Variants in SBF2 observed in about 807,000 individuals in gnomAD.
SBF2 encodes SET binding factor 2, also known as myotubularin-related protein 13.
A neutral mutation model predicts 225.2 loss-of-function variants in SBF2; 112 were observed. The observed-to-expected ratio is 0.50, with a 90% CI of 0.43 to 0.58. The LOEUF is 0.58. Ranked by LOEUF, SBF2 falls within the 20% of genes least tolerant of loss-of-function variation. SBF2 has a pLI of 0.00. For synonymous variants in SBF2, 763 were observed against 773.3 expected (o/e 0.99, Z 0.22); for missense variants, 1,996 against 2,206.2 (o/e 0.90, Z 1.91).
chr11:10,124,788 A>G (rs1953662552), intron 2 of SBF2, among the ~76,000 whole-genome samples: 1 of 151,974 alleles, frequency 6.6e-6, no homozygotes, highest in Admixed American at 6.6e-5. Context: ...AAATATATAT[A>G]CTCATCTATT....
chr11:10,151,712 G>A (rs1214547969), intron 2 of SBF2, among the ~76,000 whole-genome samples: 1 of 152,122 alleles, frequency 6.6e-6, no homozygotes, highest in East Asian at 1.9e-4. Context: ...AAATTATTGA[G>A]TATAACATAA....
intron 2 of SBF2, among the ~76,000 whole-genome samples, chr11:10,087,813 A>C (rs1951631989): frequency 6.6e-6 from 1 of 152,158 alleles, no homozygotes; most frequent in Admixed American, 6.5e-5. Flanking sequence ...ATTAGTCAGC[A>C]TTTTCAGTAA....
At chr11:10,043,927 A>T (rs1197253837) in intron 2 of SBF2, among the ~76,000 whole-genome samples, 2 of 152,342 alleles carry the variant, frequency 1.3e-5, no homozygotes, top group South Asian at 4.1e-4. Context: ...AGAGAAATTT[A>T]AAAAATATTT....
intron 1 of SBF2, among the ~76,000 whole-genome samples, chr11:10,204,294 C>CA (rs898877243): frequency 1.2e-4 from 18 of 146,042 alleles, no homozygotes; most frequent in Admixed American, 2.7e-4. Flanking sequence ...AAATATCCTT[C>CA]AAAAAAAAAG....
chr11:10,285,850 A>T (rs1963726530), intron 1 of SBF2, among the ~76,000 whole-genome samples: 1 of 152,226 alleles, frequency 6.6e-6, no homozygotes, highest in African/African-American at 2.4e-5. Context: ...TAACAGTAAG[A>T]AGTCAAACAA....
chr11:9,792,100 G>T (rs919740473), intron 33 of SBF2, among the ~76,000 whole-genome samples: 4 of 152,096 alleles, frequency 2.6e-5, no homozygotes, highest in Non-Finnish European at 5.9e-5. Flanking sequence ...GGACACAGGA[G>T]AATTCATTGT....
chr11:10,104,860 G>A (rs1483760145), intron 2 of SBF2, among the ~76,000 whole-genome samples: 4 of 152,076 alleles, frequency 2.6e-5, no homozygotes, highest in Non-Finnish European at 4.4e-5. Flanking sequence ...TCATGCTATC[G>A]TTTCAGAAGT....
At chr11:9,962,156 A>C (rs765827987) in intron 15 of SBF2, 50 bp from the exon 16 acceptor site, 1 of 1,538,396 alleles carries the variant, frequency 6.5e-7, no homozygotes, top group Non-Finnish European at 9.0e-7. Context: ...TGGGGGAAAC[A>C]ACAACTTTCA....
At chr11:9,885,251 CAAAAAAAAAAAAAA>C (rs71453937) in intron 17 of SBF2, among the ~76,000 whole-genome samples, 2 of 38,280 alleles carry the variant, frequency 5.2e-5, no homozygotes, top group Non-Finnish European at 8.4e-5. Context: ...ACTTTTCCTC[CAAAAAAAAAAAAAA>C]AAAAAAAAAA....
At chr11:9,938,399 C>A (rs1265245508) in intron 16 of SBF2, among the ~76,000 whole-genome samples, 1 of 146,376 alleles carries the variant, frequency 6.8e-6, no homozygotes. Context: ...ATTTTTTTTT[C>A]GGGGAACTGA....
intron 28 of SBF2, chr11:9,828,553 C>T: frequency 1.0e-6 from 1 of 985,450 alleles, no homozygotes; most frequent in Non-Finnish European, 1.2e-6. Flanking sequence ...AAGAGACCAA[C>T]TTCTCAAGTC....
Position 9,913,207 on chromosome 11 carries a change from G to A in SBF2, c.1861-17196C>T, listed in dbSNP as rs138286242. ...GTTGAGGTGGGAGGACCATTTGAGT[G>A]GAGATTGCAGTGGGCTGAGATCGCG... On this transcript the variant is annotated intron_variant, in intron 16 of 39. Transcript: ENST00000256190. Among the ~76,000 whole-genome samples, 235 of 152,262 alleles carry A rather than the reference G, an allele frequency of 1.5e-3. 1 individual carries two copies. Among genetic ancestry groups the A allele is most frequent in the Middle Eastern group, 0.01 (3 of 294 alleles).
intron 17 of SBF2, among the ~76,000 whole-genome samples, chr11:9,871,868 G>A (rs1370205862): frequency 6.6e-6 from 1 of 152,156 alleles, no homozygotes; most frequent in Non-Finnish European, 1.5e-5. Context: ...TACACTGTTG[G>A]TGGGAGTGTA....
chr11:10,211,298 T>C (rs917410894), intron 1 of SBF2, among the ~76,000 whole-genome samples: 2 of 152,132 alleles, frequency 1.3e-5, no homozygotes, highest in African/African-American at 4.8e-5. Flanking sequence ...AGCAACCAAA[T>C]GGCAGTTTTT....
chr11:10,060,625 A>G (rs991814617), intron 2 of SBF2, among the ~76,000 whole-genome samples: 3 of 152,136 alleles, frequency 2.0e-5, no homozygotes, highest in African/African-American at 7.2e-5. Flanking sequence ...CAATGCAAAA[A>G]TCCTCAACAA....
intron 1 of SBF2, among the ~76,000 whole-genome samples, chr11:10,245,367 T>G (rs1389397439): frequency 1.3e-5 from 2 of 151,224 alleles, no homozygotes; most frequent in African/African-American, 4.9e-5. Context: ...ACAATGACCT[T>G]GCCATTGAAT....
intron 26 of SBF2, among the ~76,000 whole-genome samples, chr11:9,837,371 A>G (rs952349955): frequency 6.6e-6 from 1 of 152,244 alleles, no homozygotes; most frequent in Non-Finnish European, 1.5e-5. Flanking sequence ...AAAATACAGA[A>G]TTTACATAAA....
chr11:10,057,512 C>T (rs1370014160), intron 2 of SBF2, among the ~76,000 whole-genome samples: 1 of 152,204 alleles, frequency 6.6e-6, no homozygotes, highest in African/African-American at 2.4e-5. Flanking sequence ...CTTGGGCCCA[C>T]AGCGCAAACT....
chr11:10,228,327 T>G (rs971777303), intron 1 of SBF2, among the ~76,000 whole-genome samples: 12 of 152,204 alleles, frequency 7.9e-5, no homozygotes, highest in Non-Finnish European at 1.6e-4. Flanking sequence ...TTCTCCTGCC[T>G]GATTGCCCTG....
Sources: gnomAD v4.1 joint callset for allele counts (sites outside exome capture counted in the v4.1 genomes callset) on GRCh38, gnomAD v4.1.1 for gene constraint, MANE v1.5 for transcripts, NCBI Gene and HGNC (gene_info 2026-07-23, HGNC 2026-07-21) for gene names.